STYK1: variants seen among roughly 807,000 people sequenced by gnomAD.
STYK1 encodes STY kinase 1.
STYK1 carries 46 observed loss-of-function variants against 48.1 expected under a neutral mutation model. The ratio of observed to expected loss-of-function variants is 0.96; its 90% CI spans 0.75 to 1.22. The LOEUF is 1.22. Among genes scored for constraint, STYK1 ranks in the 50% most tolerant of loss-of-function variants. The pLI is 0.00. For synonymous variants in STYK1, 188 were observed against 189.0 expected (o/e 0.99, Z 0.04); for missense variants, 527 against 521.1 (o/e 1.01, Z -0.11).
chr12:10,656,390 G>T (rs929253910), intron 1 of STYK1, among the ~76,000 whole-genome samples: 3 of 152,170 alleles, frequency 2.0e-5, no homozygotes, highest in Admixed American at 6.5e-5. Context: ...ACTTTGGGAG[G>T]CTGAGGCAGG....
intron 7 of STYK1, 59 bp downstream of exon 7, chr12:10,627,582 C>CA: frequency 6.7e-7 from 1 of 1,490,128 alleles, no homozygotes; most frequent in Non-Finnish European, 9.2e-7. Context: ...AATATGGCAT[C>CA]AAAAACAAGG....
intron 1 of STYK1, among the ~76,000 whole-genome samples, chr12:10,671,975 T>A (rs1332329056): frequency 6.6e-6 from 1 of 152,212 alleles, no homozygotes; most frequent in African/African-American, 2.4e-5. Flanking sequence ...AATGTAACTT[T>A]ATTGGGAGAT....
At chr12:10,660,952 C>T (rs977948461) in intron 1 of STYK1, among the ~76,000 whole-genome samples, 1 of 152,126 alleles carries the variant, frequency 6.6e-6, no homozygotes, top group Non-Finnish European at 1.5e-5. Flanking sequence ...AAGTAACCCA[C>T]ACCGCTGCTC....
intron 1 of STYK1, among the ~76,000 whole-genome samples, chr12:10,649,800 T>C: frequency 6.6e-6 from 1 of 152,100 alleles, no homozygotes; most frequent in Admixed American, 6.5e-5. Flanking sequence ...AAAGACAAAG[T>C]ACAACCGTTA....
At chr12:10,653,127 C>A (rs888812461) in intron 1 of STYK1, among the ~76,000 whole-genome samples, 13 of 151,702 alleles carry the variant, frequency 8.6e-5, no homozygotes, top group Admixed American at 8.5e-4. Flanking sequence ...GGCTGGAGTG[C>A]AGTGGCGTGA....
intron 1 of STYK1, among the ~76,000 whole-genome samples, chr12:10,640,367 T>G (rs967745405): frequency 2.6e-5 from 4 of 152,198 alleles, no homozygotes; most frequent in Non-Finnish European, 5.9e-5. Context: ...TGATTCTTTT[T>G]AAATCCAGAG....
rs749886328 is a variant in STYK1 at position 10,634,634 on chromosome 12, C to G, written c.-16G>C. 1 of 1,613,982 alleles carries G rather than the reference C, an allele frequency of 6.2e-7. No individual in the cohort carries two copies. Among genetic ancestry groups the G allele is most frequent in the South Asian group, 1.1e-5 (1 of 91,060 alleles). ...TCATGCCCATTGCCACAGGGCTGTC[C>G]CCTTCCCTGCTAGGCCCACAGAGAA... On this transcript the variant is annotated 5_prime_UTR_variant, in exon 3 of 11. Coordinates refer to ENST00000075503, the MANE Select transcript of STYK1 (RefSeq NM_018423.3).
At chr12:10,625,210 G>T (rs200061920) in intron 7 of STYK1, among the ~76,000 whole-genome samples, 1,029 of 31,128 alleles carry the variant, frequency 0.033, 10 homozygotes, top group African/African-American at 0.054. Context: ...TTCTTTTTTT[G>T]TTTGTTTGTT....
intron 1 of STYK1, among the ~76,000 whole-genome samples, chr12:10,668,386 T>C (rs1443742563): frequency 6.6e-6 from 1 of 151,730 alleles, no homozygotes; most frequent in African/African-American, 2.4e-5. Context: ...CTTCTTCTTT[T>C]TTTTTTTAGA....
chr12:10,629,733 G>A, intron 5 of STYK1, 59 bp from the exon 6 acceptor site: 1 of 1,598,566 alleles, frequency 6.3e-7, no homozygotes, highest in Non-Finnish European at 8.6e-7. Context: ...TGAGTGGGAG[G>A]CAGGGAGCAG....
intron 1 of STYK1, among the ~76,000 whole-genome samples, chr12:10,637,917 C>T (rs186246111): frequency 3.3e-5 from 5 of 152,280 alleles, no homozygotes; most frequent in Admixed American, 3.3e-4. Flanking sequence ...CAACTCTGGC[C>T]CACCTGACTA....
chr12:10,647,294 C>A (rs1419203209), intron 1 of STYK1, among the ~76,000 whole-genome samples: 2 of 152,198 alleles, frequency 1.3e-5, no homozygotes, highest in East Asian at 3.9e-4. Flanking sequence ...ACCATGGGAA[C>A]CCCCCTCTGG....
intron 1 of STYK1, among the ~76,000 whole-genome samples, chr12:10,648,052 T>G (rs1947620546): frequency 6.6e-6 from 1 of 152,176 alleles, no homozygotes; most frequent in Admixed American, 6.5e-5. Context: ...ATGATGATTA[T>G]AAACCCCATA....
chr12:10,646,829 A>C (rs111284257), intron 1 of STYK1, among the ~76,000 whole-genome samples: 2,309 of 152,304 alleles, frequency 0.015, 66 homozygotes, highest in African/African-American at 0.053. Flanking sequence ...CAGCTGCTCC[A>C]GCTGTGACTA....
chr12:10,634,671 C>T lies in STYK1; in HGVS notation c.-53G>A, dbSNP rs1947466955. ...AGGCCCACAGAGAATGCACACAGCA[C>T]AGCTGTGAGTAATTCCTAAGGATTG... On this transcript the variant is annotated 5_prime_UTR_variant, in exon 3 of 11. It adds an upstream start codon to the 5' untranslated region. Transcript: ENST00000075503. 6.3e-7 allele frequency: 1 copy of T among 1,589,478 alleles called. No individual in the cohort carries two copies. The highest frequency in any genetic ancestry group is 1.1e-5 in the South Asian group (1 of 89,644).
chr12:10,662,146 T>A (rs4763571), intron 1 of STYK1, among the ~76,000 whole-genome samples: 85,601 of 152,084 alleles, frequency 0.56, 24,557 homozygotes, highest in East Asian at 0.79. Context: ...TGGCTTCTTT[T>A]ACTTGCAAAT....
At chr12:10,643,263 C>A (rs1191369677) in intron 1 of STYK1, among the ~76,000 whole-genome samples, 1 of 152,168 alleles carries the variant, frequency 6.6e-6, no homozygotes, top group Non-Finnish European at 1.5e-5. Flanking sequence ...TGAGCTCTTG[C>A]TACTAATATA....
In STYK1 at chr12:10,658,978, C is replaced by T. The variant is rs1947747867; in HGVS notation, c.-195+14988G>A. ...TTGTTTTGATCCTCTTTTAAAGGTGCCTTATAGTCAGTAACAGGATTTGAC... is the reference window on the plus strand; with the variant it reads ...TTGTTTTGATCCTCTTTTAAAGGTGTCTTATAGTCAGTAACAGGATTTGAC... On this transcript the variant is annotated intron_variant, in intron 1 of 10. Transcript: ENST00000075503. Among the ~76,000 whole-genome samples the T allele has an allele frequency of 2.0e-5, 3 of 152,138 alleles. No individual in the cohort carries two copies. In the South Asian group the frequency reaches 6.2e-4, roughly 32 times the overall value.
chr12:10,621,853 GCAGGCCTTTAAAAAC>G lies in STYK1; in HGVS notation c.1064+8_1064+22del. On this transcript the variant is annotated splice_region_variant and intron_variant, in intron 10 of 10. Coordinates refer to ENST00000075503, the MANE Select transcript of STYK1 (RefSeq NM_018423.3). ...AAACAACATTTGGAATGAAAGAGGA[GCAGGCCTTTAAAAAC>G]CACTTACATGGTATGTGTGCAGCTA... is the stretch of plus-strand genomic sequence containing the variant. 1 of 1,601,530 alleles carries G rather than the reference GCAGGCCTTTAAAAAC, an allele frequency of 6.2e-7. No homozygotes were observed. Among genetic ancestry groups the G allele is most frequent in the South Asian group, 1.1e-5 (1 of 90,750 alleles).
Sources: allele counts gnomAD v4.1 joint callset (sites outside exome capture counted in the v4.1 genomes callset), GRCh38; gene constraint gnomAD v4.1.1; transcripts MANE v1.5; gene names NCBI Gene and HGNC (gene_info 2026-07-23, HGNC 2026-07-21).